CCDC82: variants seen among roughly 807,000 people sequenced by gnomAD.
The protein encoded by CCDC82 is coiled-coil domain-containing protein 82.
A neutral mutation model predicts 60.6 loss-of-function variants in CCDC82; 47 were observed. That is an observed-to-expected ratio of 0.77 (90% confidence interval 0.61 to 0.99). The LOEUF (loss-of-function observed/expected upper bound fraction) is 0.99. Ranked by LOEUF, CCDC82 falls within the 50% of genes least tolerant of loss-of-function variation. The pLI, the probability that CCDC82 is intolerant of heterozygous loss-of-function variation, is 0.00. For missense variants in CCDC82, 588 were observed against 633.0 expected (o/e 0.93, Z 0.76); for synonymous variants, 212 against 207.4 (o/e 1.02, Z -0.19).
chr11:96,367,849 T>C (rs940388467), intron 7 of CCDC82, among the ~76,000 whole-genome samples: 4 of 128,678 alleles, frequency 3.1e-5, no homozygotes, highest in African/African-American at 8.8e-5. Flanking sequence ...TGAGACAGGG[T>C]CTTGCTGTGT....
chr11:96,357,834 C>T (rs1049842400), intron 9 of CCDC82: 13 of 985,050 alleles, frequency 1.3e-5, no homozygotes, highest in Non-Finnish European at 1.4e-5. Context: ...TGAAAAAGTA[C>T]GGATAAGCAG....
intron 8 of CCDC82, among the ~76,000 whole-genome samples, chr11:96,360,695 C>T (rs1864614546): frequency 6.6e-6 from 1 of 152,188 alleles, no homozygotes. Context: ...TAATATTTAT[C>T]TATGCAACTT....
At chr11:96,387,344 T>C (rs1364518745) in intron 2 of CCDC82, 186 bp downstream of exon 2, 1 of 152,220 alleles carries the variant, frequency 6.6e-6, no homozygotes, top group East Asian at 1.9e-4. Context: ...CCTATGACAA[T>C]GGTGGAAATG....
intron 9 of CCDC82, chr11:96,356,365 A>T (rs570567883): frequency 1.3e-6 from 1 of 758,426 alleles, no homozygotes; most frequent in Admixed American, 6.2e-5. Flanking sequence ...GACAATATTT[A>T]TCAGTGCATT....
intron 5 of CCDC82, among the ~76,000 whole-genome samples, chr11:96,377,096 C>G (rs1865614800): frequency 6.6e-6 from 1 of 152,234 alleles, no homozygotes; most frequent in Admixed American, 6.5e-5. Context: ...TAGGTAAAAG[C>G]ATGTAGATTT....
chr11:96,357,393 GT>G, intron 9 of CCDC82: 1 of 985,192 alleles, frequency 1.0e-6, no homozygotes, highest in Non-Finnish European at 1.2e-6. Context: ...AATGCTAAAT[GT>G]TATTCTTTAT....
At position 96,364,028 on chromosome 11, in the gene CCDC82, T is replaced by C. The variant is rs1479312993; in HGVS notation, c.1380+952A>G. ...CTGCTTCACAGGAATGTCAGAGCTC[T>C]AGAAGTGATTTTCTTACTCCACTTT... On this transcript the variant is annotated intron_variant, in intron 8 of 9. Transcript: ENST00000646818. 3 of 152,158 alleles carry C rather than the reference T, an allele frequency of 2.0e-5. No homozygotes were observed. The South Asian group carries it at 6.2e-4, about 32-fold the overall frequency. The allele number at this position is 152,158 out of a possible 1,614,324, so 9.4% of individuals were successfully genotyped here. A position where few individuals can be genotyped will look rare whatever the true frequency, so the allele number is the denominator to read the frequency against.
chr11:96,354,713 T>C (rs1366468129), intron 9 of CCDC82: 1 of 152,206 alleles, frequency 6.6e-6, no homozygotes, highest in Non-Finnish European at 1.5e-5. Flanking sequence ...AGTAGAATAA[T>C]GGCAGGCTCT....
intron 6 of CCDC82, 131 bp downstream of exon 6, chr11:96,373,244 G>A (rs1466594500): frequency 1.0e-5 from 6 of 575,214 alleles, no homozygotes; most frequent in Non-Finnish European, 1.6e-5. Flanking sequence ...GATCCTACAG[G>A]GAAAACATTG....
In CCDC82 at chr11:96,373,364, T is replaced by C. The variant is rs1256578956; in HGVS notation, c.1084+11A>G. ...TAAAAACCAATTGTTTCATTCATAG[T>C]ATTAACTTACCATATAATGTTCCCA... On this transcript the variant is annotated intron_variant, in intron 6 of 9. Coordinates refer to ENST00000646818, the MANE Select transcript of CCDC82 (RefSeq NM_024725.4). 3 of 1,509,302 alleles carry C rather than the reference T, an allele frequency of 2.0e-6. No homozygotes were observed. The East Asian group carries it at 6.8e-5, about 34-fold the overall frequency. The allele number at this position is 1,509,302 out of a possible 1,614,324, so 93.5% of individuals were successfully genotyped here. A position where few individuals can be genotyped will look rare whatever the true frequency, so the allele number is the denominator to read the frequency against.
chr11:96,353,741 A>G, intron 9 of CCDC82, 27 bp from the exon 10 acceptor site: 1 of 1,554,564 alleles, frequency 6.4e-7, no homozygotes, highest in South Asian at 1.1e-5. Context: ...AAAGCTAGTT[A>G]TTTTACTCAA....
At chr11:96,380,970 G>A (rs1865847131) in intron 5 of CCDC82, 1 of 151,616 alleles carries the variant, frequency 6.6e-6, no homozygotes, top group African/African-American at 2.4e-5. Context: ...TGTGAAGTAT[G>A]AACTACAGTT....
intron 3 of CCDC82, chr11:96,385,941 T>C (rs996925682): frequency 1.3e-5 from 2 of 152,210 alleles, no homozygotes; most frequent in Admixed American, 1.3e-4. Flanking sequence ...AATCACCTTA[T>C]GAGGCTGATT....
chr11:96,376,206 A>G (rs971968213), intron 5 of CCDC82, among the ~76,000 whole-genome samples: 41 of 152,126 alleles, frequency 2.7e-4, no homozygotes, highest in Non-Finnish European at 1.5e-5. Flanking sequence ...TTTCACATAT[A>G]TGCCAAGATT....
chr11:96,365,638 G>A (rs971911443), intron 7 of CCDC82, among the ~76,000 whole-genome samples: 5 of 152,072 alleles, frequency 3.3e-5, no homozygotes, highest in Non-Finnish European at 7.4e-5. Flanking sequence ...CTACAGTCCT[G>A]GGGAAAAAAC....
chr11:96,370,348 C>T lies in CCDC82; in HGVS notation c.1209+665G>A, dbSNP rs141894134. On this transcript the variant is annotated intron_variant, in intron 7 of 9. Transcript: ENST00000646818. ...TACAAATCATATAGTACATCCTCTG[C>T]TATTAAAGATCATAAAATAGATAAC... 8.7e-3 allele frequency among the ~76,000 whole-genome samples: 1,331 copies of T among 152,162 alleles called. 19 individuals carry two copies. The highest frequency in any genetic ancestry group is 0.034 in the Admixed American group (525 of 15,288).
chr11:96,386,103 T>C (rs1017603090), intron 3 of CCDC82, 151 bp downstream of exon 3: 7 of 152,314 alleles, frequency 4.6e-5, no homozygotes, highest in African/African-American at 1.7e-4. Flanking sequence ...GTCTCGGTTA[T>C]AAGGACCTGT....
chr11:96,375,092 G>T (rs1416394088), intron 5 of CCDC82, among the ~76,000 whole-genome samples: 1 of 152,080 alleles, frequency 6.6e-6, no homozygotes. Flanking sequence ...CATCTAAACT[G>T]TATCTATAAA....
rs900754066 is a variant in CCDC82 at position 96,353,415 on chromosome 11, A to G, written c.*231T>C. 2.4e-6 allele frequency: 1 copy of G among 420,322 alleles called. No homozygotes were observed. Among genetic ancestry groups the G allele is most frequent in the Non-Finnish European group, 4.2e-6 (1 of 236,214 alleles). The allele number at this position is 420,322 out of a possible 1,614,324, so 26.0% of individuals were successfully genotyped here. ...AAAGCCATTATTATATAACTTTAAA[A>G]TATATTTACAGACTTAAAAATTAAG... On this transcript the variant is annotated 3_prime_UTR_variant, in exon 10 of 10. Coordinates refer to ENST00000646818, the MANE Select transcript of CCDC82 (RefSeq NM_024725.4).
Sources: allele counts gnomAD v4.1 joint callset (sites outside exome capture counted in the v4.1 genomes callset), GRCh38; gene constraint gnomAD v4.1.1; transcripts MANE v1.5; gene names NCBI Gene and HGNC (gene_info 2026-07-23, HGNC 2026-07-21).